Variants in RAB5C observed in about 807,000 individuals in gnomAD.
The protein encoded by RAB5C is ras-related protein Rab-5C.
A neutral mutation model predicts 25.2 loss-of-function variants in RAB5C; 4 were observed. The observed-to-expected ratio is 0.16, with a 90% CI of 0.08 to 0.36. The LOEUF is 0.36. Ranked by LOEUF, RAB5C falls within the 10% of genes least tolerant of loss-of-function variation. RAB5C has a pLI of 1.00. For synonymous variants in RAB5C, 100 were observed against 106.4 expected, an observed-to-expected ratio of 0.94 and a Z score of 0.37; for missense variants, 199 against 283.8, an observed-to-expected ratio of 0.70 and a Z score of 2.15.
chr17:42,143,284 T>TA (rs936887125), intron 1 of RAB5C, among the ~76,000 whole-genome samples: 12 of 152,318 alleles, frequency 7.9e-5, no homozygotes, highest in African/African-American at 2.9e-4. Flanking sequence ...AAACATTTGC[T>TA]AAAAAGGCAG....
intron 1 of RAB5C, among the ~76,000 whole-genome samples, chr17:42,135,947 G>T (rs1378357916): frequency 2.0e-5 from 3 of 152,192 alleles, no homozygotes; most frequent in African/African-American, 7.2e-5. Context: ...GCTCACTCAA[G>T]GTTAGCCAGG....
intron 1 of RAB5C, among the ~76,000 whole-genome samples, chr17:42,141,120 T>C (rs564933967): frequency 3.3e-4 from 51 of 152,302 alleles, no homozygotes; most frequent in Non-Finnish European, 5.6e-4. Flanking sequence ...TGAGCCACTG[T>C]GTCTGCCATC....
chr17:42,139,601 A>G (rs2054571846), intron 1 of RAB5C, among the ~76,000 whole-genome samples: 1 of 152,326 alleles, frequency 6.6e-6, no homozygotes, highest in African/African-American at 2.4e-5. Context: ...CTAGGACTAC[A>G]TACGCGTGCC....
rs1703543754 is a variant in RAB5C at position 42,125,093 on chromosome 17, C to A, written c.*690G>T. 1.3e-5 allele frequency: 2 copies of A among 152,272 alleles called. No individual in the cohort carries two copies. The highest frequency in any genetic ancestry group is 4.8e-5 in the African/African-American group (2 of 41,366). The allele number at this position is 152,272 out of a possible 1,614,324, so 9.4% of individuals were successfully genotyped here. A position where few individuals can be genotyped will look rare whatever the true frequency, so the allele number is the denominator to read the frequency against. ...GGTTCCGTCCCCTCCCACTCCCCCC[C>A]TTACCCACCCACCCCCAAATACTCA... On this transcript the variant is annotated 3_prime_UTR_variant, in exon 6 of 6. Coordinates refer to ENST00000346213, the MANE Select transcript of RAB5C (RefSeq NM_004583.4).
chr17:42,131,441 CACACACACACACAAAAACACATGCCA>C (rs1278453426), intron 1 of RAB5C, among the ~76,000 whole-genome samples: 1 of 148,476 alleles, frequency 6.7e-6, no homozygotes, highest in African/African-American at 2.6e-5. Flanking sequence ...CTGAAACACA[CACACACACACACAAAAACACATGCCA>C]ACACACACAC....
chr17:42,154,158 T>C (rs1169793548), intron 1 of RAB5C, among the ~76,000 whole-genome samples: 2 of 152,088 alleles, frequency 1.3e-5, no homozygotes, highest in African/African-American at 4.8e-5. Context: ...GGAAAGAAGA[T>C]AATGAATGGG....
intron 1 of RAB5C, among the ~76,000 whole-genome samples, chr17:42,141,776 G>A (rs377389026): frequency 6.6e-6 from 1 of 152,188 alleles, no homozygotes; most frequent in Non-Finnish European, 1.5e-5. Context: ...CTCCAGGACT[G>A]CCAGGAAGAT....
Position 42,127,016 on chromosome 17 carries a change from G to A in RAB5C, c.442-168C>T, listed in dbSNP as rs146734297. 2.7e-3 allele frequency among the ~76,000 whole-genome samples: 410 copies of A among 152,320 alleles called. 1 individual carries two copies. The highest frequency in any genetic ancestry group is 9.4e-3 in the African/African-American group (390 of 41,562). The stretch of plus-strand genomic sequence containing the variant: ...AGGCTGCCCTGATCTGGGTTTCCCC[G>A]CTCATGTATATCACCTCTCAGCTCA... On this transcript the variant is annotated intron_variant, in intron 4 of 5. Transcript: ENST00000346213.
chr17:42,133,714 C>T (rs2054508960), intron 1 of RAB5C, among the ~76,000 whole-genome samples: 1 of 152,240 alleles, frequency 6.6e-6, no homozygotes, highest in Admixed American at 6.5e-5. Context: ...GTAGAAGCCA[C>T]CTGAGCTGAG....
At chr17:42,135,544 G>A (rs527791271) in intron 1 of RAB5C, among the ~76,000 whole-genome samples, 14 of 152,130 alleles carry the variant, frequency 9.2e-5, no homozygotes, top group African/African-American at 2.9e-4. Flanking sequence ...GTTGATATAC[G>A]AAGGAGGGAG....
intron 1 of RAB5C, among the ~76,000 whole-genome samples, chr17:42,134,768 G>A (rs574514311): frequency 2.6e-5 from 4 of 152,250 alleles, no homozygotes; most frequent in Admixed American, 2.0e-4. Flanking sequence ...ATAAGGACTT[G>A]GAGTCACACT....
chr17:42,137,353 T>C (rs2054547787), intron 1 of RAB5C, among the ~76,000 whole-genome samples: 1 of 150,754 alleles, frequency 6.6e-6, no homozygotes, highest in Non-Finnish European at 1.5e-5. Flanking sequence ...GGAGGAGTTA[T>C]AACTTGATTT....
chr17:42,130,932 CAG>C (rs2054479238), intron 1 of RAB5C, among the ~76,000 whole-genome samples: 1 of 152,112 alleles, frequency 6.6e-6, no homozygotes, highest in Non-Finnish European at 1.5e-5. Flanking sequence ...AGCCTGGTGA[CAG>C]TTAAGTCAAC....
chr17:42,130,561 G>A lies in RAB5C; in HGVS notation c.-59C>T. 1 of 1,599,116 alleles carries A rather than the reference G, an allele frequency of 6.3e-7. No homozygotes were observed. Among genetic ancestry groups the A allele is most frequent in the Non-Finnish European group, 8.5e-7 (1 of 1,171,568 alleles). ...CGGGTGGGGACTGGTGCTATGCAAA[G>A]AGGCACTTAGTGGGGAGGGGGACCT... On this transcript the variant is annotated 5_prime_UTR_variant, in exon 2 of 6. Transcript: ENST00000346213.
At chr17:42,146,167 TA>T (rs1269820286) in intron 1 of RAB5C, among the ~76,000 whole-genome samples, 13 of 151,786 alleles carry the variant, frequency 8.6e-5, no homozygotes, top group African/African-American at 2.9e-4. Context: ...TCAAAAACAA[TA>T]AAAGTCTGAG....
chr17:42,150,168 A>C (rs2079661054), intron 1 of RAB5C, among the ~76,000 whole-genome samples: 1 of 151,860 alleles, frequency 6.6e-6, no homozygotes, highest in South Asian at 2.1e-4. Flanking sequence ...TATAGGCGTG[A>C]TCCACCACAC....
chr17:42,134,474 G>A (rs1161345069), intron 1 of RAB5C, among the ~76,000 whole-genome samples: 1 of 152,192 alleles, frequency 6.6e-6, no homozygotes, highest in East Asian at 1.9e-4. Flanking sequence ...CTACTTGGGA[G>A]GCTGAGGCAC....
rs2054470456 is a variant in RAB5C, at chr17:42,130,266, C to T, written c.166+71G>A. 4 of 1,527,218 alleles carry T rather than the reference C, an allele frequency of 2.6e-6. No homozygotes were observed. In the Admixed American group the frequency reaches 7.7e-5, roughly 30 times the overall value. 94.6% of individuals were successfully genotyped at this position (1,527,218 alleles called of 1,614,324 possible). ...TCCCTAATGCAGGCAGGCAGCTTCCCATCTCCTCAAGGTCAAAGCATTTCT... is the reference window on the plus strand; with the variant it reads ...TCCCTAATGCAGGCAGGCAGCTTCCTATCTCCTCAAGGTCAAAGCATTTCT... On this transcript the variant is annotated intron_variant, in intron 2 of 5. Transcript: ENST00000346213.
At chr17:42,131,900 T>C (rs2054490221) in intron 1 of RAB5C, 1 of 328,720 alleles carries the variant, frequency 3.0e-6, no homozygotes, top group Non-Finnish European at 5.7e-6. Flanking sequence ...CAGAATGTTT[T>C]ACAAACAGGT....
Sources: gnomAD v4.1 joint callset for allele counts (sites outside exome capture counted in the v4.1 genomes callset) on GRCh38, gnomAD v4.1.1 for gene constraint, MANE v1.5 for transcripts, NCBI Gene and HGNC (gene_info 2026-07-23, HGNC 2026-07-21) for gene names.